Variants in AGMO observed in about 807,000 individuals in gnomAD.
AGMO encodes the protein glyceryl-ether monooxygenase.
A neutral mutation model predicts 60.2 loss-of-function variants in AGMO; 75 were observed. The observed-to-expected ratio is 1.25, with a 90% confidence interval of 1.03 to 1.51. AGMO has a LOEUF of 1.51. Ranked by LOEUF, AGMO falls within the 40% of genes most tolerant of loss-of-function variation. The probability of loss-of-function intolerance (pLI) is 0.00; values close to 1 mark genes in which losing one functional copy is unlikely to be tolerated. For missense variants in AGMO, 763 were observed against 525.5 expected, an observed-to-expected ratio of 1.45 and a Z score of -4.42; for synonymous variants, 261 against 177.1, an observed-to-expected ratio of 1.47 and a Z score of -3.76.
intron 12 of AGMO, among the ~76,000 whole-genome samples, chr7:15,296,815 C>A (rs1784419908): frequency 6.6e-6 from 1 of 152,102 alleles, no homozygotes. Flanking sequence ...TGCAGTAACA[C>A]AACTACAAAT....
At chr7:15,486,765 G>A (rs977201490) in intron 3 of AGMO, among the ~76,000 whole-genome samples, 7 of 152,142 alleles carry the variant, frequency 4.6e-5, no homozygotes, top group Admixed American at 1.3e-4. Context: ...GAAATATCAC[G>A]GTAATTTTGA....
At chr7:15,159,689 T>C in the AGMO span, among the ~76,000 whole-genome samples, 2 of 152,300 alleles carry the variant, frequency 1.3e-5, no homozygotes, top group Non-Finnish European at 1.5e-5. Context: ...AGGCTGCAAA[T>C]GGGACAGGAT....
intron 12 of AGMO, among the ~76,000 whole-genome samples, chr7:15,226,213 C>T (rs1477986466): frequency 6.6e-6 from 1 of 151,976 alleles, no homozygotes; most frequent in Non-Finnish European, 1.5e-5. Context: ...CTTTTCATGG[C>T]ATCTGATAAC....
the AGMO span, among the ~76,000 whole-genome samples, chr7:15,147,547 G>T: frequency 5.9e-5 from 9 of 152,050 alleles, no homozygotes; most frequent in African/African-American, 2.2e-4. Context: ...GGGAATTATG[G>T]GAGCTACAAT....
In AGMO at chr7:15,319,871, C is replaced by A. The variant is rs1050352356; in HGVS notation, c.1263+45643G>T. Among the ~76,000 whole-genome samples, 3 of 151,868 alleles carry A rather than the reference C, an allele frequency of 2.0e-5. No homozygotes were observed. The South Asian group carries it at 6.2e-4, about 31-fold the overall frequency. ...AGAGGAAGAAAGCAGTATACAGTTA[C>A]ATAAAAGATTTGGAAAAGGATTATC... On this transcript the variant is annotated intron_variant, in intron 12 of 12. Coordinates refer to ENST00000342526, the MANE Select transcript of AGMO (RefSeq NM_001004320.2).
At chr7:15,389,210 G>A (rs935454547) in intron 8 of AGMO, among the ~76,000 whole-genome samples, 3 of 152,086 alleles carry the variant, frequency 2.0e-5, no homozygotes, top group Non-Finnish European at 4.4e-5. Flanking sequence ...CCAGACCACA[G>A]AACTACTGAA....
intron 12 of AGMO, among the ~76,000 whole-genome samples, chr7:15,299,672 A>G (rs1049405893): frequency 1.3e-5 from 2 of 152,050 alleles, no homozygotes; most frequent in Admixed American, 6.6e-5. Context: ...CTAAAATACA[A>G]AAGATATTAG....
intron 3 of AGMO, among the ~76,000 whole-genome samples, chr7:15,465,337 G>C (rs1021023071): frequency 6.6e-6 from 1 of 150,452 alleles, no homozygotes; most frequent in Non-Finnish European, 1.5e-5. Flanking sequence ...GTGTGTGTGT[G>C]CGTGTGTGTA....
intron 12 of AGMO, among the ~76,000 whole-genome samples, chr7:15,351,376 A>C (rs1343589383): frequency 6.6e-6 from 1 of 152,180 alleles, no homozygotes; most frequent in Admixed American, 6.5e-5. Flanking sequence ...TTTTGATTAC[A>C]GAAGAGGTAG....
chr7:15,320,898 T>C (rs1050024602), intron 12 of AGMO, among the ~76,000 whole-genome samples: 3 of 152,146 alleles, frequency 2.0e-5, no homozygotes, highest in African/African-American at 7.2e-5. Flanking sequence ...TTTAAAACAA[T>C]AAAGTTTAAC....
At chr7:15,534,778 A>G (rs1029710204) in intron 3 of AGMO, among the ~76,000 whole-genome samples, 2 of 151,876 alleles carry the variant, frequency 1.3e-5, no homozygotes, top group African/African-American at 4.8e-5. Context: ...CCCAGCTAAC[A>G]GTGAGAAAAA....
intron 12 of AGMO, among the ~76,000 whole-genome samples, chr7:15,360,265 G>A (rs1782698195): frequency 6.6e-6 from 1 of 152,144 alleles, no homozygotes; most frequent in African/African-American, 2.4e-5. Context: ...TTCAAAGGAA[G>A]TATTACATCG....
chr7:15,199,763 C>T (rs762746683), downstream of AGMO, among the ~76,000 whole-genome samples: 2 of 152,122 alleles, frequency 1.3e-5, no homozygotes, highest in Non-Finnish European at 2.9e-5. Flanking sequence ...ATGTTATAGG[C>T]TTACGTATTG....
chr7:15,292,684 A>G (rs1426730254), intron 12 of AGMO, among the ~76,000 whole-genome samples: 1 of 151,858 alleles, frequency 6.6e-6, no homozygotes, highest in African/African-American at 2.4e-5. Context: ...TGTAAATATT[A>G]AGATTTCTAT....
At chr7:15,491,941 A>G (rs1372636588) in intron 3 of AGMO, among the ~76,000 whole-genome samples, 2 of 152,194 alleles carry the variant, frequency 1.3e-5, no homozygotes, top group African/African-American at 4.8e-5. Flanking sequence ...TTCCACACCC[A>G]TTACTCTATT....
rs747068564 is a variant in AGMO, at chr7:15,429,474, T to C, written c.513+1531A>G. On this transcript the variant is annotated intron_variant, in intron 4 of 12. Coordinates refer to ENST00000342526, the MANE Select transcript of AGMO (RefSeq NM_001004320.2). ...TAAGAGAGAGAACCAGAAAAGATCC[T>C]TTCCTAGTGTCTTTATAGGAGCATT... 5.3e-4 allele frequency among the ~76,000 whole-genome samples: 81 copies of C among 152,150 alleles called. 1 individual carries two copies. The highest frequency in any genetic ancestry group is 5.2e-4 in the Non-Finnish European group (35 of 67,936).
rs568201585 is a variant in AGMO at position 15,390,855 on chromosome 7, AAAT to A, written c.724_726del (p.Ile242del). On this transcript the variant is annotated inframe_deletion, in exon 7 of 13. Transcript: ENST00000342526. ...TTTTACTTACCAAAAATTTTATCCC[AAAT>A]AATAAGAACACCAGCATAATTTTTG... The A allele has an allele frequency of 1.7e-4, 270 of 1,605,218 alleles. No homozygotes were observed. The East Asian group carries it at 4.7e-3, about 28-fold the overall frequency.
At chr7:15,469,553 C>G (rs1782389641) in intron 3 of AGMO, among the ~76,000 whole-genome samples, 1 of 152,084 alleles carries the variant, frequency 6.6e-6, no homozygotes, top group Admixed American at 6.6e-5. Flanking sequence ...TTCCTCACGC[C>G]CCATGGCAAG....
chr7:15,501,279 G>C (rs1229829249), intron 3 of AGMO, among the ~76,000 whole-genome samples: 1 of 151,882 alleles, frequency 6.6e-6, no homozygotes, highest in Non-Finnish European at 1.5e-5. Context: ...GCTGTCAGTA[G>C]GGTGGCAATT....
Sources: allele counts gnomAD v4.1 joint callset (sites outside exome capture counted in the v4.1 genomes callset), GRCh38; gene constraint gnomAD v4.1.1; transcripts MANE v1.5; gene names NCBI Gene and HGNC (gene_info 2026-07-23, HGNC 2026-07-21).